The following BICC1 variants were observed in gnomAD, a reference collection of about 807,000 sequenced individuals.
BICC1 encodes the protein BicC family RNA binding protein 1.
A neutral mutation model predicts 111.0 loss-of-function variants in BICC1; 43 were observed. The observed-to-expected ratio is 0.39, with a 90% CI of 0.30 to 0.50. The LOEUF is 0.50. Among genes scored for constraint, BICC1 ranks in the 20% least tolerant of loss-of-function variants. BICC1 has a pLI of 0.88. For synonymous variants in BICC1, 467 were observed against 434.4 expected (o/e 1.07, Z -0.93); for missense variants, 1,091 against 1,203.2 (o/e 0.91, Z 1.38).
chr10:58,744,577 T>C (rs1841773520), intron 3 of BICC1, among the ~76,000 whole-genome samples: 2 of 152,158 alleles, frequency 1.3e-5, no homozygotes, highest in African/African-American at 2.4e-5. Flanking sequence ...TTTTCAAAAG[T>C]GACAATTATT....
In BICC1 at chr10:58,785,040, A is replaced by C; in HGVS notation, c.347A>C (p.Lys116Thr). Residue 116 changes from lysine (K) to threonine (T), a missense_variant, in exon 4 of 21, where the codon AAA becomes ACA. Around this residue, in one of 3 missense-constraint regions of BICC1, gnomAD observed 843 missense variants for 900.8 expected, o/e 0.94. Transcript: ENST00000373886. The stretch of plus-strand genomic sequence containing the variant: ...GTTTCTGGAAAGAAAGAAGATGTTA[A>C]AGAAGCCAAGGAAATGATCATGTCT... Reference protein sequence around the residue: ...IKVSGKKEDVKEAKEMIMSVL... With the variant: ...IKVSGKKEDVTEAKEMIMSVL... 1 of 1,601,304 alleles carries C rather than the reference A, an allele frequency of 6.2e-7. No homozygotes were observed. The highest frequency in any genetic ancestry group is 1.1e-5 in the South Asian group (1 of 89,238).
chr10:58,759,148 C>G, intron 3 of BICC1, among the ~76,000 whole-genome samples: 1 of 151,754 alleles, frequency 6.6e-6, no homozygotes, highest in South Asian at 2.1e-4. Flanking sequence ...TTAGTAGGGA[C>G]GGGGTTTTGT....
At chr10:58,562,355 A>G (rs1378412130) in intron 1 of BICC1, among the ~76,000 whole-genome samples, 1 of 151,976 alleles carries the variant, frequency 6.6e-6, no homozygotes, top group East Asian at 1.9e-4. Flanking sequence ...TATCTTTAGA[A>G]ATTCTTCCTA....
At chr10:58,780,686 G>T (rs1354341205) in intron 3 of BICC1, among the ~76,000 whole-genome samples, 1 of 152,174 alleles carries the variant, frequency 6.6e-6, no homozygotes, top group Admixed American at 6.5e-5. Flanking sequence ...GTTTCCAGGG[G>T]TGGGAATGTT....
At chr10:58,785,823 A>G (rs1209035098) in intron 4 of BICC1, among the ~76,000 whole-genome samples, 1 of 152,222 alleles carries the variant, frequency 6.6e-6, no homozygotes, top group Non-Finnish European at 1.5e-5. Flanking sequence ...ATTCAAATCC[A>G]GGCTGTCTCA....
At chr10:58,716,650 A>G (rs1840750524) in intron 3 of BICC1, among the ~76,000 whole-genome samples, 1 of 152,188 alleles carries the variant, frequency 6.6e-6, no homozygotes. Flanking sequence ...AAATGACCAG[A>G]TGACTCTAGT....
At chr10:58,540,928 A>G (rs1406610637) in intron 1 of BICC1, among the ~76,000 whole-genome samples, 1 of 152,144 alleles carries the variant, frequency 6.6e-6, no homozygotes, top group Non-Finnish European at 1.5e-5. Flanking sequence ...TAATACTGAT[A>G]TGTTAACAGA....
chr10:58,579,789 A>G (rs1194124218), intron 1 of BICC1, among the ~76,000 whole-genome samples: 2 of 152,172 alleles, frequency 1.3e-5, no homozygotes, highest in East Asian at 1.9e-4. Flanking sequence ...TAAAGGGAGT[A>G]TGATTAGAAA....
At chr10:58,728,139 C>T (rs566005776) in intron 3 of BICC1, among the ~76,000 whole-genome samples, 12 of 152,224 alleles carry the variant, frequency 7.9e-5, no homozygotes, top group Admixed American at 3.9e-4. Flanking sequence ...TGAAGTTTGC[C>T]CCATCAATGG....
intron 1 of BICC1, among the ~76,000 whole-genome samples, chr10:58,516,830 A>C (rs1842254488): frequency 6.6e-6 from 1 of 152,184 alleles, no homozygotes; most frequent in South Asian, 2.1e-4. Flanking sequence ...GTTACATATC[A>C]TAACTCACAT....
intron 2 of BICC1, among the ~76,000 whole-genome samples, chr10:58,629,921 C>T (rs1375434693): frequency 3.3e-5 from 5 of 152,166 alleles, no homozygotes; most frequent in Non-Finnish European, 7.3e-5. Context: ...TCTAAATAGC[C>T]CTTTTAAATT....
chr10:58,560,114 T>G (rs1053502887), intron 1 of BICC1, among the ~76,000 whole-genome samples: 3 of 149,718 alleles, frequency 2.0e-5, no homozygotes, highest in African/African-American at 7.3e-5. Flanking sequence ...TCCTCTTCAA[T>G]TTTTTGGAGT....
chr10:58,535,672 GAAGAA>G (rs1256851200), intron 1 of BICC1, among the ~76,000 whole-genome samples: 1 of 151,540 alleles, frequency 6.6e-6, no homozygotes, highest in Non-Finnish European at 1.5e-5. Context: ...ATAACACAGT[GAAGAA>G]AAGAAAGTAT....
At chr10:58,759,113 C>T (rs1014918577) in intron 3 of BICC1, among the ~76,000 whole-genome samples, 6 of 151,888 alleles carry the variant, frequency 4.0e-5, no homozygotes, top group African/African-American at 1.5e-4. Flanking sequence ...GTGTGTGCCA[C>T]CACACCCAGC....
At chr10:58,795,124 C>CA (rs1843311066) in intron 9 of BICC1, among the ~76,000 whole-genome samples, 1 of 152,086 alleles carries the variant, frequency 6.6e-6, no homozygotes, top group East Asian at 1.9e-4. Context: ...ATTTATTTAA[C>CA]AAAAATCCGA....
At chr10:58,519,007 A>G (rs919300398) in intron 1 of BICC1, among the ~76,000 whole-genome samples, 14 of 152,202 alleles carry the variant, frequency 9.2e-5, no homozygotes, top group Non-Finnish European at 8.8e-5. Flanking sequence ...GGCTGCGACT[A>G]ACAGGAAACC....
At position 58,583,584 on chromosome 10, in the gene BICC1, CTGTGTGTGTGTG is replaced by C. The variant is rs3076149; in HGVS notation, c.191-37239_191-37228del. ...TATGGCTGAGTAGTATTCTCTCTCT[CTGTGTGTGTGTG>C]TGTGTGTGTGTGTGTGTGTGTGTGT... On this transcript the variant is annotated intron_variant, in intron 1 of 20. Coordinates refer to ENST00000373886, the MANE Select transcript of BICC1 (RefSeq NM_001080512.3). 2.5e-3 allele frequency among the ~76,000 whole-genome samples: 353 copies of C among 139,436 alleles called. 1 individual carries two copies. The highest frequency in any genetic ancestry group is 7.7e-3 in the African/African-American group (290 of 37,846). 91.5% of individuals were successfully genotyped at this position (139,436 alleles called of 152,430 possible). A position where few individuals can be genotyped will look rare whatever the true frequency, so the allele number is the denominator to read the frequency against.
At chr10:58,714,043 G>A (rs566332291) in intron 3 of BICC1, among the ~76,000 whole-genome samples, 15 of 152,226 alleles carry the variant, frequency 9.9e-5, no homozygotes, top group Non-Finnish European at 1.5e-4. Context: ...GGGTAGAGCC[G>A]AGGGCCGCTG....
intron 1 of BICC1, among the ~76,000 whole-genome samples, chr10:58,527,922 C>G (rs1842587134): frequency 6.6e-6 from 1 of 151,920 alleles, no homozygotes; most frequent in African/African-American, 2.4e-5. Context: ...CTCAGTTTCT[C>G]CCTTTACAAA....
Sources: allele counts gnomAD v4.1 joint callset (sites outside exome capture counted in the v4.1 genomes callset), GRCh38; gene constraint gnomAD v4.1.1; regional missense constraint gnomAD v4.1.1; transcripts MANE v1.5; gene names NCBI Gene and HGNC (gene_info 2026-07-23, HGNC 2026-07-21).